PCED1B: variants seen among roughly 807,000 people sequenced by gnomAD.
PCED1B encodes PC-esterase domain-containing protein 1B.
For synonymous variants in PCED1B, 251 were observed against 246.1 expected (o/e 1.02, Z -0.19); for missense variants, 573 against 573.9 (o/e 1.00, Z 0.02).
intron 2 of PCED1B, among the ~76,000 whole-genome samples, chr12:47,150,283 C>A (rs1030354880): frequency 7.9e-5 from 12 of 151,848 alleles, no homozygotes; most frequent in African/African-American, 2.9e-4. Context: ...ACTAAGGCAG[C>A]CAAAGAAATA....
intron 1 of PCED1B, among the ~76,000 whole-genome samples, chr12:47,086,454 T>C (rs1937990886): frequency 3.3e-5 from 5 of 151,088 alleles, no homozygotes; most frequent in Admixed American, 3.3e-4. Context: ...CAATTTCTGC[T>C]CAAAGAATAA....
chr12:47,130,297 G>A (rs545320116), intron 2 of PCED1B, among the ~76,000 whole-genome samples: 1 of 152,132 alleles, frequency 6.6e-6, no homozygotes, highest in Admixed American at 6.5e-5. Context: ...AATTGAAATT[G>A]GTTATTTCAC....
At chr12:47,167,504 T>C (rs913405349) in intron 2 of PCED1B, among the ~76,000 whole-genome samples, 6 of 152,136 alleles carry the variant, frequency 3.9e-5, no homozygotes, top group Admixed American at 3.3e-4. Flanking sequence ...TCACCAGAGT[T>C]GTCAGGGGAA....
chr12:47,092,892 C>T (rs1938327101), intron 1 of PCED1B, among the ~76,000 whole-genome samples: 1 of 151,934 alleles, frequency 6.6e-6, no homozygotes, highest in Non-Finnish European at 1.5e-5. Flanking sequence ...ATTTGGCTTC[C>T]TAATATTTTG....
chr12:47,084,360 T>C (rs1592121499), intron 1 of PCED1B, among the ~76,000 whole-genome samples: 3 of 152,336 alleles, frequency 2.0e-5, no homozygotes, highest in Non-Finnish European at 2.9e-5. Context: ...TTTTGCACCA[T>C]TGTAAAGTTG....
intron 2 of PCED1B, among the ~76,000 whole-genome samples, chr12:47,137,953 T>C (rs981082322): frequency 3.9e-5 from 6 of 152,302 alleles, no homozygotes; most frequent in East Asian, 1.9e-4. Flanking sequence ...CATTATTAGT[T>C]AAGTGCAAAT....
intron 3 of PCED1B, among the ~76,000 whole-genome samples, chr12:47,227,281 C>A (rs370421424): frequency 1.7e-4 from 26 of 152,112 alleles, no homozygotes; most frequent in African/African-American, 5.3e-4. Context: ...AAGCGATTCT[C>A]CCGCCTCAGC....
intron 3 of PCED1B, among the ~76,000 whole-genome samples, chr12:47,219,919 CTG>C (rs1274403034): frequency 2.0e-5 from 3 of 151,810 alleles, no homozygotes; most frequent in Admixed American, 2.0e-4. Context: ...AGAAGATTCA[CTG>C]TCAATAATGG....
intron 2 of PCED1B, among the ~76,000 whole-genome samples, chr12:47,119,531 TA>T (rs34711555): frequency 1.3e-5 from 2 of 151,298 alleles, no homozygotes; most frequent in Non-Finnish European, 2.9e-5. Context: ...CTGCATCTCT[TA>T]AAAAAAAGAA....
chr12:47,182,455 G>T (rs1942124479), intron 2 of PCED1B, among the ~76,000 whole-genome samples: 1 of 151,990 alleles, frequency 6.6e-6, no homozygotes, highest in Non-Finnish European at 1.5e-5. Context: ...GCTGGGCGTG[G>T]TGGCACGTGC....
intron 2 of PCED1B, among the ~76,000 whole-genome samples, chr12:47,127,919 T>C (rs1939961236): frequency 6.6e-6 from 1 of 152,186 alleles, no homozygotes; most frequent in South Asian, 2.1e-4. Flanking sequence ...GTCTATATGT[T>C]TCAACTGTTG....
At chr12:47,135,766 T>A in intron 2 of PCED1B, 1 of 528,160 alleles carries the variant, frequency 1.9e-6, no homozygotes, top group South Asian at 1.4e-5. Flanking sequence ...CAGATGTGGA[T>A]CATGGTGAAC....
chr12:47,118,510 G>T (rs545639012), intron 2 of PCED1B, among the ~76,000 whole-genome samples: 1 of 152,250 alleles, frequency 6.6e-6, no homozygotes, highest in South Asian at 2.1e-4. Context: ...TAGATGTGTG[G>T]TATTATTTCT....
rs200992609 is a variant in PCED1B at position 47,217,470 on chromosome 12, GAGAAAGAAAGAA to G, written c.-58+818_-58+829del. On this transcript the variant is annotated intron_variant, in intron 3 of 3. Coordinates refer to ENST00000546455, the MANE Select transcript of PCED1B (RefSeq NM_138371.3). ...AAAGAAAGAAAGAAAAAGAAAGAAA[GAGAAAGAAAGAA>G]AGAAAGAAAGAAAGAAAGAAAGAAA... Among the ~76,000 whole-genome samples, 293 of 90,920 alleles carry G rather than the reference GAGAAAGAAAGAA, an allele frequency of 3.2e-3. 22 individuals are homozygous for G. The highest frequency in any genetic ancestry group is 0.013 in the East Asian group (38 of 2,938). The allele number at this position is 90,920 out of a possible 152,430, so 59.6% of individuals were successfully genotyped here.
intron 1 of PCED1B, among the ~76,000 whole-genome samples, chr12:47,090,539 C>G (rs1938218949): frequency 6.6e-6 from 1 of 152,138 alleles, no homozygotes; most frequent in South Asian, 2.1e-4. Context: ...CAACCACACC[C>G]TTGTAACCAT....
At chr12:47,178,324 T>G (rs1340499455) in intron 2 of PCED1B, among the ~76,000 whole-genome samples, 1 of 152,152 alleles carries the variant, frequency 6.6e-6, no homozygotes, top group African/African-American at 2.4e-5. Flanking sequence ...TGACTGCATT[T>G]GACAGACTAG....
intron 2 of PCED1B, among the ~76,000 whole-genome samples, chr12:47,131,516 T>C (rs1209033277): frequency 6.6e-6 from 1 of 152,164 alleles, no homozygotes; most frequent in African/African-American, 2.4e-5. Context: ...GCTGGAATTG[T>C]TCCAGATAAT....
intron 2 of PCED1B, among the ~76,000 whole-genome samples, chr12:47,134,544 C>T (rs543606341): frequency 6.6e-6 from 1 of 152,302 alleles, no homozygotes; most frequent in Admixed American, 6.5e-5. Context: ...CCCCTTCCAT[C>T]TAATCTTTCA....
intron 2 of PCED1B, among the ~76,000 whole-genome samples, chr12:47,123,101 C>T (rs1024954087): frequency 6.6e-6 from 1 of 152,158 alleles, no homozygotes; most frequent in African/African-American, 2.4e-5. Context: ...AGCATAATTA[C>T]ATGGTTATGT....
Sources: gnomAD v4.1 joint callset for allele counts (sites outside exome capture counted in the v4.1 genomes callset) on GRCh38, gnomAD v4.1.1 for gene constraint, MANE v1.5 for transcripts, NCBI Gene and HGNC (gene_info 2026-07-23, HGNC 2026-07-21) for gene names.